The following PCBD2 variants were observed in gnomAD, a reference collection of about 807,000 sequenced individuals.
PCBD2 encodes the protein pterin-4-alpha-carbinolamine dehydratase 2.
Under a neutral mutation model 16.4 loss-of-function variants are expected in PCBD2, and 12 were observed. The ratio of observed to expected loss-of-function variants is 0.73; its 90% CI spans 0.47 to 1.19. PCBD2 has a LOEUF of 1.19. PCBD2 is among the 50% of genes most tolerant of loss of function. The probability of loss-of-function intolerance (pLI) is 0.00; values close to 1 mark genes in which losing one functional copy is unlikely to be tolerated. For synonymous variants in PCBD2, 58 were observed against 61.8 expected (o/e 0.94, Z 0.29); for missense variants, 138 against 156.8 (o/e 0.88, Z 0.64).
intron 1 of PCBD2, among the ~76,000 whole-genome samples, chr5:134,907,232 A>G (rs1379155660): frequency 6.6e-6 from 1 of 152,262 alleles, no homozygotes; most frequent in Non-Finnish European, 1.5e-5. Context: ...TAAGTGTTTA[A>G]TAAGAATTTC....
rs1561454491 is a variant in PCBD2 at position 134,962,107 on chromosome 5, T to TGTGTGTGTG, written c.*1426_*1427insGTGTGTGTG. Among the ~76,000 whole-genome samples, 3 of 150,536 alleles carry TGTGTGTGTG rather than the reference T, an allele frequency of 2.0e-5. No homozygotes were observed. Among genetic ancestry groups the TGTGTGTGTG allele is most frequent in the Middle Eastern group, 3.4e-3 (1 of 290 alleles). On this transcript the variant is annotated 3_prime_UTR_variant, in exon 4 of 4. Transcript: ENST00000254908. ...GTGTGTGTGTGTGTGTGTGTGTGTG[T>TGTGTGTGTG]TTGACACGGGGTCTCATTCTGTTGC...
intron 2 of PCBD2, among the ~76,000 whole-genome samples, chr5:134,941,342 A>G (rs1751225047): frequency 1.3e-5 from 2 of 152,214 alleles, no homozygotes; most frequent in Admixed American, 1.3e-4. Flanking sequence ...GTGTTCAGCT[A>G]AAAGAGGACT....
At chr5:134,921,305 G>A (rs1218994983) in intron 2 of PCBD2, among the ~76,000 whole-genome samples, 1 of 152,180 alleles carries the variant, frequency 6.6e-6, no homozygotes, top group East Asian at 1.9e-4. Context: ...ATGTTAGTCA[G>A]GTACTAGAAT....
At chr5:134,911,184 G>T (rs1402769702) in intron 2 of PCBD2, among the ~76,000 whole-genome samples, 1 of 152,180 alleles carries the variant, frequency 6.6e-6, no homozygotes, top group Non-Finnish European at 1.5e-5. Flanking sequence ...CTGGGCCGTT[G>T]GTAATTTTTC....
chr5:134,940,223 G>A (rs773316906), intron 2 of PCBD2, among the ~76,000 whole-genome samples: 3 of 152,146 alleles, frequency 2.0e-5, no homozygotes, highest in Non-Finnish European at 4.4e-5. Flanking sequence ...TACCACTTTT[G>A]TAAATAAAAT....
chr5:134,943,972 A>G (rs999892062), intron 2 of PCBD2, among the ~76,000 whole-genome samples: 9 of 152,214 alleles, frequency 5.9e-5, no homozygotes, highest in East Asian at 1.9e-4. Context: ...GCTGCTTCCA[A>G]TGGAGCATGA....
chr5:134,956,186 G>A (rs1336891063), intron 2 of PCBD2, among the ~76,000 whole-genome samples: 3 of 152,188 alleles, frequency 2.0e-5, no homozygotes, highest in Non-Finnish European at 1.5e-5. Context: ...GGTTTATCAG[G>A]CTTTGTAGTA....
intron 2 of PCBD2, among the ~76,000 whole-genome samples, chr5:134,921,494 G>T (rs908166953): frequency 6.6e-6 from 1 of 152,112 alleles, no homozygotes; most frequent in Non-Finnish European, 1.5e-5. Flanking sequence ...TACTTTGTCT[G>T]CAGTGTGTTG....
At chr5:134,914,764 C>T (rs768520110) in intron 2 of PCBD2, among the ~76,000 whole-genome samples, 1 of 152,006 alleles carries the variant, frequency 6.6e-6, no homozygotes, top group Non-Finnish European at 1.5e-5. Context: ...CTCCACCTCC[C>T]AGATTCAAGT....
chr5:134,920,759 G>A (rs1385055416), intron 2 of PCBD2, among the ~76,000 whole-genome samples: 1 of 151,856 alleles, frequency 6.6e-6, no homozygotes, highest in Non-Finnish European at 1.5e-5. Context: ...AGGTTCAAGC[G>A]ATTCTCCCAC....
At chr5:134,957,184 G>A (rs1288592835) in intron 2 of PCBD2, among the ~76,000 whole-genome samples, 4 of 152,140 alleles carry the variant, frequency 2.6e-5, no homozygotes, top group Non-Finnish European at 4.4e-5. Context: ...GCTTCAATCC[G>A]GGATGCAAAG....
rs566337475 is a variant in PCBD2, at chr5:134,928,323, G to A, written c.216+17857G>A. ...AGTATAATATTTATGTAAATGAGAG[G>A]CATTTGGTAAATATGATTATCATAA... On this transcript the variant is annotated intron_variant, in intron 2 of 3. Coordinates refer to ENST00000254908, the MANE Select transcript of PCBD2 (RefSeq NM_032151.5). 4.5e-3 allele frequency: 1,738 copies of A among 384,138 alleles called. 6 individuals carry two copies. The highest frequency in any genetic ancestry group is 5.9e-3 in the Non-Finnish European group (1,269 of 215,828). The allele number at this position is 384,138 out of a possible 1,614,324, so 23.8% of individuals were successfully genotyped here.
intron 1 of PCBD2, among the ~76,000 whole-genome samples, chr5:134,907,532 C>T (rs1014038707): frequency 2.6e-5 from 4 of 151,938 alleles, no homozygotes; most frequent in East Asian, 1.9e-4. Flanking sequence ...TGAGCCACCA[C>T]GCCTGGCCAA....
chr5:134,943,692 G>A (rs1220177366), intron 2 of PCBD2, among the ~76,000 whole-genome samples: 1 of 152,136 alleles, frequency 6.6e-6, no homozygotes, highest in African/African-American at 2.4e-5. Flanking sequence ...AGTTGTCTTG[G>A]GTTCTGTGCC....
Position 134,961,950 on chromosome 5 carries a change from T to TG in PCBD2, c.*1273dup, listed in dbSNP as rs1168846177. On this transcript the variant is annotated 3_prime_UTR_variant, in exon 4 of 4. Coordinates refer to ENST00000254908, the MANE Select transcript of PCBD2 (RefSeq NM_032151.5). ...CTAATTTTTAAATTTTTTGTAGAGA[T>TG]GGGGTCTCCCATCTTGCCCAGGCTG... Among the ~76,000 whole-genome samples the TG allele has an allele frequency of 1.3e-5, 2 of 152,006 alleles. No individual in the cohort carries two copies. Among genetic ancestry groups the TG allele is most frequent in the East Asian group, 1.9e-4 (1 of 5,158 alleles).
chr5:134,940,452 C>A (rs1187420173), intron 2 of PCBD2, among the ~76,000 whole-genome samples: 1 of 151,708 alleles, frequency 6.6e-6, no homozygotes. Context: ...TTTAATAACC[C>A]TGGATGTGCA....
Position 134,961,281 on chromosome 5 carries a change from G to A in PCBD2, c.*600G>A, listed in dbSNP as rs1456823646. On this transcript the variant is annotated 3_prime_UTR_variant, in exon 4 of 4. Transcript: ENST00000254908. ...TACTTATATTAATAATATTCAGAAA[G>A]AGAAGTGGCTTTTTTTTTTTTTTGA... The A allele has an allele frequency of 6.7e-6, 1 of 150,080 alleles. No individual in the cohort carries two copies. Among genetic ancestry groups the A allele is most frequent in the Non-Finnish European group, 1.5e-5 (1 of 67,728 alleles). The allele number at this position is 150,080 out of a possible 1,614,324, so 9.3% of individuals were successfully genotyped here.
chr5:134,947,774 CG>C (rs1432979760), intron 2 of PCBD2, among the ~76,000 whole-genome samples: 3 of 150,994 alleles, frequency 2.0e-5, no homozygotes, highest in East Asian at 1.9e-4. Context: ...CCTATGAAGT[CG>C]TTTTTTTTTT....
intron 2 of PCBD2, chr5:134,927,688 T>C (rs755257400): frequency 2.5e-6 from 1 of 398,226 alleles, no homozygotes; most frequent in Non-Finnish European, 4.4e-6. Context: ...ATATAAAATA[T>C]GATTAGTTCT....
Sources: gnomAD v4.1 joint callset for allele counts (sites outside exome capture counted in the v4.1 genomes callset) on GRCh38, gnomAD v4.1.1 for gene constraint, MANE v1.5 for transcripts, NCBI Gene and HGNC (gene_info 2026-07-23, HGNC 2026-07-21) for gene names.